DDX54: variants seen among roughly 807,000 people sequenced by gnomAD.
DDX54 encodes the protein ATP-dependent RNA helicase DDX54.
A neutral mutation model predicts 105.5 loss-of-function variants in DDX54; 67 were observed. That is an observed-to-expected ratio of 0.64 (90% CI 0.52 to 0.78). The LOEUF is 0.78. Among genes scored for constraint, DDX54 ranks in the 30% least tolerant of loss-of-function variants. The pLI, the probability that DDX54 is intolerant of heterozygous loss-of-function variation, is 0.00. For missense variants in DDX54, 1,206 were observed against 1,230.5 expected, an observed-to-expected ratio of 0.98 and a Z score of 0.30; for synonymous variants, 514 against 509.9, an observed-to-expected ratio of 1.01 and a Z score of -0.11.
At chr12:113,170,716 T>A (rs1374519865) in intron 11 of DDX54, among the ~76,000 whole-genome samples, 3 of 152,158 alleles carry the variant, frequency 2.0e-5, no homozygotes, top group Non-Finnish European at 4.4e-5. Context: ...TATAAATGAA[T>A]AGGCAGCAGT....
At chr12:113,170,632 C>T (rs1393195872) in intron 11 of DDX54, among the ~76,000 whole-genome samples, 1 of 152,036 alleles carries the variant, frequency 6.6e-6, no homozygotes, top group Non-Finnish European at 1.5e-5. Context: ...GAGTGAGATC[C>T]CGGCCCCCTG....
At chr12:113,159,975 A>G (rs1952184121) in intron 19 of DDX54, among the ~76,000 whole-genome samples, 1 of 151,956 alleles carries the variant, frequency 6.6e-6, no homozygotes, top group South Asian at 2.1e-4. Flanking sequence ...AGGACCTATC[A>G]CCTCCAATGA....
chr12:113,174,916 T>A lies in DDX54; in HGVS notation c.895A>T (p.Ile299Phe). Residue 299 changes from isoleucine (I) to phenylalanine (F), a missense_variant, in exon 9 of 20, where the codon ATC becomes TTC. Physicochemically the swap from Ile to Phe is conservative, Grantham distance 21. Coordinates refer to ENST00000306014, the MANE Select transcript of DDX54 (RefSeq NM_024072.4). ...AGCTTGGTATCCACGTCAAGCCGGA[T>A]GAGCACGGGCTCCGTGAGGCCTGCA... is the stretch of plus-strand genomic sequence containing the variant. ...ARAGLTEPVLIRLDVDTKLNE... is the reference protein window; with the variant it reads ...ARAGLTEPVLFRLDVDTKLNE... 1 of 1,613,722 alleles carries A rather than the reference T, an allele frequency of 6.2e-7. No homozygotes were observed. The highest frequency in any genetic ancestry group is 8.5e-7 in the Non-Finnish European group (1 of 1,179,846).
chr12:113,170,381 C>T (rs1952322551), intron 11 of DDX54, among the ~76,000 whole-genome samples: 1 of 152,208 alleles, frequency 6.6e-6, no homozygotes, highest in Admixed American at 6.5e-5. Context: ...TGGCTCACGC[C>T]TGTAATCACA....
chr12:113,180,159 A>T (rs1167023160), intron 2 of DDX54, among the ~76,000 whole-genome samples, 154 bp from the exon 3 acceptor site: 1 of 152,162 alleles, frequency 6.6e-6, no homozygotes, highest in Non-Finnish European at 1.5e-5. Context: ...AATGAGACTT[A>T]GGAGACAGAT....
At chr12:113,184,390 A>G (rs1056575335) in intron 1 of DDX54, among the ~76,000 whole-genome samples, 1 of 152,102 alleles carries the variant, frequency 6.6e-6, no homozygotes, top group South Asian at 2.1e-4. Flanking sequence ...GCCTTTGACT[A>G]TTTCTTAACC....
chr12:113,178,850 GT>G, intron 5 of DDX54, 126 bp downstream of exon 5: 2 of 1,330,760 alleles, frequency 1.5e-6, no homozygotes, highest in South Asian at 1.4e-5. Flanking sequence ...GCCTTGTTGG[GT>G]TTTTTGAATG....
Position 113,165,820 on chromosome 12 carries a change from C to G in DDX54, c.1627G>C (p.Gly543Arg). The G allele has an allele frequency of 6.2e-7, 1 of 1,606,826 alleles. No individual in the cohort carries two copies. Among genetic ancestry groups the G allele is most frequent in the East Asian group, 2.2e-5 (1 of 44,696 alleles). The part of the protein sequence containing the change: ...RAKEMDLVGL[G>R]LHPLFSSRFE... ...GACTCACTGAAGAGGGGGTGCAGGC[C>G]CAGCCCCACAAGGTCCATCTCCTTG... is the stretch of plus-strand genomic sequence containing the variant. The change falls in exon 13 of 20, where the codon GGC becomes CGC. Residue 543 changes from glycine (G) to arginine (R), a missense_variant. Physicochemically the swap from Gly to Arg is moderately radical, Grantham distance 125 (BLOSUM62 -2). This residue lies in a region of DDX54 where 961 missense variants were observed against 1,019.1 expected (regional missense o/e 0.94). Coordinates refer to ENST00000306014, the MANE Select transcript of DDX54 (RefSeq NM_024072.4).
rs758598066 is a variant in DDX54 at position 113,161,263 on chromosome 12, C to T, written c.2413+7G>A. On this transcript the variant is annotated splice_region_variant and intron_variant, in intron 19 of 19. Transcript: ENST00000306014. Reference sequence around the variant, plus strand: ...TGTGCACCCACACTCCCCACCCTGGCTCTCACCTTGGCCACGGTCTCGCTT... The same window carrying T: ...TGTGCACCCACACTCCCCACCCTGGTTCTCACCTTGGCCACGGTCTCGCTT... 1 of 1,609,078 alleles carries T rather than the reference C, an allele frequency of 6.2e-7. No individual in the cohort carries two copies. The highest frequency in any genetic ancestry group is 1.7e-5 in the Admixed American group (1 of 59,742).
In DDX54 at chr12:113,159,079, G is replaced by A; in HGVS notation, c.2444C>T (p.Pro815Leu). 1 of 1,606,206 alleles carries A rather than the reference G, an allele frequency of 6.2e-7. No individual in the cohort carries two copies. Among genetic ancestry groups the A allele is most frequent in the Non-Finnish European group, 8.5e-7 (1 of 1,177,268 alleles). The change falls in exon 20 of 20, where the codon CCT (proline) becomes CTT (leucine). Residue 815 changes from proline (P) to leucine (L), a missense_variant. By Grantham distance (98) the Pro-to-Leu change is moderately conservative. This residue lies in a region of DDX54 where 961 missense variants were observed against 1,019.1 expected (regional missense o/e 0.94). Coordinates refer to ENST00000306014, the MANE Select transcript of DDX54 (RefSeq NM_024072.4). The stretch of plus-strand genomic sequence containing the variant: ...GAGTTCCGGGCGGACTCGGCCTGCA[G>A]GGGTGCCTGGGGCGTGGGGCCGGGA... The part of the protein sequence containing the change: ...GASRPHAPGT[P>L]AGRVRPELKT...
Position 113,163,907 on chromosome 12 carries a change from A to G in DDX54, c.1938+160T>C, listed in dbSNP as rs540243722. Among the ~76,000 whole-genome samples, 147 of 152,238 alleles carry G rather than the reference A, an allele frequency of 9.7e-4. No individual in the cohort carries two copies. Among genetic ancestry groups the G allele is most frequent in the African/African-American group, 3.4e-3 (140 of 41,534 alleles). On this transcript the variant is annotated intron_variant, in intron 15 of 19. Transcript: ENST00000306014. This position sits in a 1 kb window ranked among gnomAD's most constrained non-coding sequence, Gnocchi z 5.9. ...CTGGCCCCAGAGTTTTAAACGAGGGATGGTGGACAAGAACCATGCCCCGAC... is the reference window on the plus strand; with the variant it reads ...CTGGCCCCAGAGTTTTAAACGAGGGGTGGTGGACAAGAACCATGCCCCGAC...
chr12:113,180,128 A>G (rs1952449878), intron 2 of DDX54, 123 bp from the exon 3 acceptor site: 1 of 948,318 alleles, frequency 1.1e-6, no homozygotes, highest in Non-Finnish European at 1.7e-6. Context: ...AAAAAGCAAT[A>G]AAGCACAAAC....
At chr12:113,181,105 A>G in intron 1 of DDX54, 47 bp from the exon 2 acceptor site, 1 of 1,583,198 alleles carries the variant, frequency 6.3e-7, no homozygotes, top group Non-Finnish European at 8.6e-7. Flanking sequence ...GCACAGTGGG[A>G]CCACAGGGGG....
Position 113,158,558 on chromosome 12 carries a change from T to G in DDX54, c.*319A>C. 1 of 302,008 alleles carries G rather than the reference T, an allele frequency of 3.3e-6. No homozygotes were observed. Among genetic ancestry groups the G allele is most frequent in the Non-Finnish European group, 6.1e-6 (1 of 165,044 alleles). The allele number at this position is 302,008 out of a possible 1,614,324, so 18.7% of individuals were successfully genotyped here. On this transcript the variant is annotated 3_prime_UTR_variant, in exon 20 of 20. Transcript: ENST00000306014. The surrounding 1 kb of genome is among the most constrained non-coding windows in gnomAD (Gnocchi z 4.9). ...CCAAACCCTGAGGCACTCAGGGCTC[T>G]GACCGGTGCAGCCATGACCTCTGAA... is the stretch of plus-strand genomic sequence containing the variant.
In DDX54 at chr12:113,183,306, T is replaced by C. The variant is rs536109562; in HGVS notation, c.174+1972A>G. 3.9e-5 allele frequency among the ~76,000 whole-genome samples: 6 copies of C among 152,384 alleles called. No individual in the cohort carries two copies. The South Asian group carries it at 1.2e-3, about 32-fold the overall frequency. On this transcript the variant is annotated intron_variant, in intron 1 of 19. Coordinates refer to ENST00000306014, the MANE Select transcript of DDX54 (RefSeq NM_024072.4). ...CACAGGGCAGTGCCGTGAGAAGCCCTTGGTCTGAACTACACTTAGACTCCT... is the reference window on the plus strand; with the variant it reads ...CACAGGGCAGTGCCGTGAGAAGCCCCTGGTCTGAACTACACTTAGACTCCT...
chr12:113,176,857 C>A lies in DDX54; in HGVS notation c.735G>T (p.Val245=), dbSNP rs759373973. Residue 245 remains valine, a synonymous_variant, in exon 7 of 20, where the codon GTG becomes GTT. Coordinates refer to ENST00000306014, the MANE Select transcript of DDX54 (RefSeq NM_024072.4). The stretch of plus-strand genomic sequence containing the variant: ...AGCCTTACCGGTCAGCTTCATCGAA[C>A]ACCACGTATTCCACACTCTGCAGCT... ...SLKLQSVEYV[V]FDEADRLFEM... 1.2e-6 allele frequency: 2 copies of A among 1,614,192 alleles called. No homozygotes were observed. Among genetic ancestry groups the A allele is most frequent in the Non-Finnish European group, 1.7e-6 (2 of 1,180,040 alleles).
intron 1 of DDX54, among the ~76,000 whole-genome samples, chr12:113,184,734 G>A (rs1341108495): frequency 6.6e-6 from 1 of 152,310 alleles, no homozygotes; most frequent in South Asian, 2.1e-4. Context: ...GCTGACGTGG[G>A]AGGATCGCTT....
chr12:113,177,684 T>C (rs1217552994), intron 5 of DDX54, among the ~76,000 whole-genome samples: 1 of 152,092 alleles, frequency 6.6e-6, no homozygotes, highest in Non-Finnish European at 1.5e-5. Context: ...ATCCTTAAAC[T>C]TTCTCCCTTA....
chr12:113,169,608 G>A (rs750930320), intron 12 of DDX54, among the ~76,000 whole-genome samples, 162 bp downstream of exon 12: 4 of 152,236 alleles, frequency 2.6e-5, no homozygotes, highest in Non-Finnish European at 5.9e-5. Context: ...GCAACAGAGC[G>A]AGGCTCTGTC....
Sources: gnomAD v4.1 joint callset for allele counts (sites outside exome capture counted in the v4.1 genomes callset) on GRCh38, gnomAD v4.1.1 for gene constraint, gnomAD v4.1.1 regional missense constraint, Gnocchi (gnomAD v3.1) non-coding constraint, MANE v1.5 for transcripts, NCBI Gene and HGNC (gene_info 2026-07-23, HGNC 2026-07-21) for gene names.